The following PCDHA8 variants were observed in gnomAD, a reference collection of about 807,000 sequenced individuals.
The protein encoded by PCDHA8 is protocadherin alpha-8.
A neutral mutation model predicts 61.8 loss-of-function variants in PCDHA8; 53 were observed. The ratio of observed to expected loss-of-function variants is 0.86; its 90% CI spans 0.69 to 1.08. PCDHA8 has a LOEUF of 1.08. Ranked by LOEUF, PCDHA8 falls within the 50% of genes least tolerant of loss-of-function variation. The pLI is 0.00. For synonymous variants in PCDHA8, 618 were observed against 556.6 expected (o/e 1.11, Z -1.55); for missense variants, 1,293 against 1,245.0 (o/e 1.04, Z -0.58).
chr5:140,870,197 G>A lies in PCDHA8; in HGVS notation c.2394+26482G>A. The stretch of plus-strand genomic sequence containing the variant: ...CCAGTACGAGAGGACGCTCAGCCCA[G>A]CACGGTCATTGCCCTGATCAGCGTG... On this transcript the variant is annotated intron_variant, in intron 1 of 3. Coordinates refer to ENST00000531613, the MANE Select transcript of PCDHA8 (RefSeq NM_018911.3). 1 of 1,614,174 alleles carries A rather than the reference G, an allele frequency of 6.2e-7. No individual in the cohort carries two copies. Among genetic ancestry groups the A allele is most frequent in the East Asian group, 2.2e-5 (1 of 44,880 alleles).
intron 1 of PCDHA8, chr5:140,967,164 C>G (rs762120187): frequency 8.7e-6 from 14 of 1,611,226 alleles, no homozygotes; most frequent in Non-Finnish European, 1.2e-5. Flanking sequence ...GCGGTGAGCG[C>G]CGTTGAGGTG....
chr5:140,870,854 T>G, intron 1 of PCDHA8: 4 of 1,613,784 alleles, frequency 2.5e-6, no homozygotes, highest in Non-Finnish European at 3.4e-6. Flanking sequence ...CCGCGGTCGG[T>G]GGGTGCGGGC....
At chr5:140,977,263 TAC>T (rs1466968557) in intron 1 of PCDHA8, among the ~76,000 whole-genome samples, 4 of 152,230 alleles carry the variant, frequency 2.6e-5, no homozygotes, top group Admixed American at 1.3e-4. Flanking sequence ...CAGCAGATGT[TAC>T]AGTCTTTCTC....
chr5:140,853,169 G>C lies in PCDHA8; in HGVS notation c.2394+9454G>C, dbSNP rs1002466846. 32 of 959,704 alleles carry C rather than the reference G, an allele frequency of 3.3e-5. 1 individual carries two copies. The South Asian group carries it at 1.3e-3, about 40-fold the overall frequency. 59.4% of individuals were successfully genotyped at this position (959,704 alleles called of 1,614,324 possible). ...GCTGGGATTACAGGCGTGAGCCACC[G>C]CGCCTGGCCTAAAATGTGTTCTTTA... On this transcript the variant is annotated intron_variant, in intron 1 of 3. Transcript: ENST00000531613.
chr5:140,979,053 T>A (rs1429544807), intron 2 of PCDHA8, 46 bp downstream of exon 2: 3 of 1,610,104 alleles, frequency 1.9e-6, no homozygotes, highest in Admixed American at 3.4e-5. Context: ...CTTAACTTGG[T>A]ATGGCTCAGA....
At chr5:140,844,621 AG>A (rs1779471115) in intron 1 of PCDHA8, among the ~76,000 whole-genome samples, 1 of 149,558 alleles carries the variant, frequency 6.7e-6, no homozygotes, top group Non-Finnish European at 1.5e-5. Flanking sequence ...TGTTTTCATC[AG>A]AAAAACTATA....
chr5:140,887,496 A>G (rs1351125742), intron 1 of PCDHA8, among the ~76,000 whole-genome samples: 1 of 152,072 alleles, frequency 6.6e-6, no homozygotes, highest in Non-Finnish European at 1.5e-5. Context: ...CATAGTTTCT[A>G]ATAAGATGTT....
intron 1 of PCDHA8, among the ~76,000 whole-genome samples, chr5:140,972,262 C>G (rs116021362): frequency 0.021 from 3,220 of 151,618 alleles, 50 homozygotes; most frequent in Non-Finnish European, 0.033. Context: ...ACATCAGCCT[C>G]CTGAGTAGCT....
intron 1 of PCDHA8, chr5:140,862,434 T>C: frequency 2.8e-6 from 1 of 354,954 alleles, no homozygotes; most frequent in South Asian, 2.1e-5. Flanking sequence ...AAACTATTCG[T>C]TGGTACTCCA....
chr5:140,880,707 G>A (rs1017608107), intron 1 of PCDHA8, among the ~76,000 whole-genome samples: 2 of 152,180 alleles, frequency 1.3e-5, no homozygotes, highest in East Asian at 3.8e-4. Context: ...TGACAATGTT[G>A]AGCAGCTTAA....
intron 1 of PCDHA8, chr5:140,853,984 T>A: frequency 1.9e-6 from 1 of 534,780 alleles, no homozygotes; most frequent in Non-Finnish European, 2.5e-6. Context: ...ACCAATGTAG[T>A]GAGACTCATC....
intron 3 of PCDHA8, 60 bp from the exon 4 acceptor site, chr5:141,009,567 A>T: frequency 6.3e-7 from 1 of 1,575,430 alleles, no homozygotes; most frequent in Admixed American, 1.8e-5. Flanking sequence ...CTCTACCAGC[A>T]GTGTGGCATC....
chr5:140,853,543 A>G (rs2042787670), intron 1 of PCDHA8: 2 of 979,444 alleles, frequency 2.0e-6, no homozygotes, highest in Middle Eastern at 5.4e-4. Context: ...TTCAAGTTGT[A>G]ATTACTATAT....
At chr5:140,893,818 G>A (rs184696543) in intron 1 of PCDHA8, among the ~76,000 whole-genome samples, 14 of 152,114 alleles carry the variant, frequency 9.2e-5, no homozygotes, top group Admixed American at 3.3e-4. Context: ...GTCTGGTACC[G>A]TAGACTACTC....
rs1324543044 is a variant in PCDHA8 at position 140,847,178 on chromosome 5, A to G, written c.2394+3463A>G. ...TTTCTGAGTAATAAACTAAAGGGCC[A>G]TGAGTGATTAAGGAATTTGGCCACT... On this transcript the variant is annotated intron_variant, in intron 1 of 3. Coordinates refer to ENST00000531613, the MANE Select transcript of PCDHA8 (RefSeq NM_018911.3). Among the ~76,000 whole-genome samples the G allele has an allele frequency of 3.3e-5, 5 of 149,760 alleles. 1 individual carries two copies. The highest frequency in any genetic ancestry group is 7.5e-5 in the Non-Finnish European group (5 of 66,876).
Position 141,000,369 on chromosome 5 carries a change from C to CTG in PCDHA8, c.2543-9257_2543-9256insGT, listed in dbSNP as rs1469177188. On this transcript the variant is annotated intron_variant, in intron 3 of 3. Coordinates refer to ENST00000531613, the MANE Select transcript of PCDHA8 (RefSeq NM_018911.3). ...TCTCTCTGTCTCTCTCTGTCTCTCT[C>CTG]TCTCTCTCTCTCTCTCTCTCTCTCT... Among the ~76,000 whole-genome samples, 12 of 35,276 alleles carry CTG rather than the reference C, an allele frequency of 3.4e-4. No individual in the cohort carries two copies. In the East Asian group the frequency reaches 5.7e-3, roughly 17 times the overall value. The allele number at this position is 35,276 out of a possible 152,430, so 23.1% of individuals were successfully genotyped here.
intron 1 of PCDHA8, among the ~76,000 whole-genome samples, chr5:140,908,888 C>T (rs2074210125): frequency 1.3e-5 from 2 of 152,122 alleles, no homozygotes; most frequent in African/African-American, 4.8e-5. Flanking sequence ...CCAATAGTCC[C>T]AAATAAGCCT....
Position 140,849,623 on chromosome 5 carries a change from C to T in PCDHA8, c.2394+5908C>T, listed in dbSNP as rs1554143110. 1.3e-5 allele frequency: 21 copies of T among 1,598,756 alleles called. 2 individuals are homozygous for T. The highest frequency in any genetic ancestry group is 1.5e-5 in the Non-Finnish European group (18 of 1,167,974). ...TTATTGCCCTGATTAGTGTGATCGA[C>T]CTAGACGCAGATGCCAACGGGCAGG... On this transcript the variant is annotated intron_variant, in intron 1 of 3. Transcript: ENST00000531613.
intron 1 of PCDHA8, among the ~76,000 whole-genome samples, chr5:140,894,188 A>AT (rs1157134749): frequency 1.1e-4 from 17 of 152,072 alleles, no homozygotes; most frequent in African/African-American, 4.1e-4. Flanking sequence ...ATAGTTATAT[A>AT]TTTTTTCTAT....
Sources: allele counts gnomAD v4.1 joint callset (sites outside exome capture counted in the v4.1 genomes callset), GRCh38; gene constraint gnomAD v4.1.1; transcripts MANE v1.5; gene names NCBI Gene and HGNC (gene_info 2026-07-23, HGNC 2026-07-21).